WWOX: variants seen among roughly 807,000 people sequenced by gnomAD.
WWOX encodes WW domain-containing oxidoreductase.
WWOX carries 69 observed loss-of-function variants against 46.2 expected under a neutral mutation model. The ratio of observed to expected loss-of-function variants is 1.49; its 90% confidence interval spans 1.23 to 1.82. The LOEUF (loss-of-function observed/expected upper bound fraction) is 1.82. WWOX is among the 40% of genes most tolerant of loss of function. The pLI, the probability that WWOX is intolerant of heterozygous loss-of-function variation, is 0.00. For missense variants in WWOX, 919 were observed against 542.6 expected (o/e 1.69, Z -6.89); for synonymous variants, 359 against 202.6 (o/e 1.77, Z -6.56).
At chr16:78,440,079 C>G (rs1204935922) in intron 8 of WWOX, among the ~76,000 whole-genome samples, 1 of 152,150 alleles carries the variant, frequency 6.6e-6, no homozygotes, top group African/African-American at 2.4e-5. Context: ...TTTTGAGCCT[C>G]TAGAGTGGCA....
At chr16:78,948,719 C>T (rs1196403756) in intron 8 of WWOX, among the ~76,000 whole-genome samples, 2 of 152,230 alleles carry the variant, frequency 1.3e-5, no homozygotes, top group East Asian at 1.9e-4. Flanking sequence ...AGAACTTTGG[C>T]CCTCGACATC....
intron 6 of WWOX, among the ~76,000 whole-genome samples, chr16:78,423,809 G>C (rs2083009639): frequency 6.7e-6 from 1 of 149,038 alleles, no homozygotes; most frequent in South Asian, 2.1e-4. Context: ...CCACACCACT[G>C]CACTCCAGCC....
chr16:78,627,565 A>G (rs1366617252), intron 8 of WWOX, among the ~76,000 whole-genome samples: 1 of 152,228 alleles, frequency 6.6e-6, no homozygotes, highest in Non-Finnish European at 1.5e-5. Flanking sequence ...AATCTTTGTA[A>G]AATCACAGAG....
intron 8 of WWOX, among the ~76,000 whole-genome samples, chr16:78,902,158 C>G (rs558597683): frequency 5.4e-4 from 82 of 152,292 alleles, no homozygotes; most frequent in African/African-American, 1.7e-3. Flanking sequence ...CATTTTTCTT[C>G]TGGAGAATCG....
chr16:78,326,402 C>T (rs1323676290), intron 5 of WWOX, among the ~76,000 whole-genome samples: 1 of 151,992 alleles, frequency 6.6e-6, no homozygotes, highest in Non-Finnish European at 1.5e-5. Flanking sequence ...AGGAAAATGC[C>T]AGGTTGTAAT....
intron 8 of WWOX, among the ~76,000 whole-genome samples, chr16:78,549,875 G>A (rs978343155): frequency 2.6e-5 from 4 of 152,004 alleles, no homozygotes; most frequent in Admixed American, 2.6e-4. Flanking sequence ...ATCTTTAAAG[G>A]ATTTTTTATT....
chr16:78,492,991 A>G (rs1248494367), intron 8 of WWOX, among the ~76,000 whole-genome samples: 1 of 152,126 alleles, frequency 6.6e-6, no homozygotes, highest in Non-Finnish European at 1.5e-5. Context: ...TCTAGTCAGC[A>G]TGGGAGATAC....
intron 8 of WWOX, among the ~76,000 whole-genome samples, chr16:78,441,629 C>G (rs536225103): frequency 3.9e-5 from 6 of 152,122 alleles, no homozygotes; most frequent in African/African-American, 7.2e-5. Flanking sequence ...AGACAGCTCT[C>G]GGGTCCAGCC....
chr16:78,771,564 G>C (rs1567549058), intron 8 of WWOX, among the ~76,000 whole-genome samples: 1 of 152,096 alleles, frequency 6.6e-6, no homozygotes, highest in African/African-American at 2.4e-5. Flanking sequence ...TTGAGGTCAG[G>C]AGTTCGAGAC....
At chr16:78,953,531 G>C (rs1333776710) in intron 8 of WWOX, among the ~76,000 whole-genome samples, 1 of 152,142 alleles carries the variant, frequency 6.6e-6, no homozygotes, top group Non-Finnish European at 1.5e-5. Context: ...CCAGTTTACT[G>C]TTGGCTTCCT....
intron 8 of WWOX, among the ~76,000 whole-genome samples, chr16:78,780,818 C>T (rs1160947729): frequency 2.6e-5 from 4 of 152,068 alleles, no homozygotes; most frequent in Non-Finnish European, 5.9e-5. Flanking sequence ...TGGATACCAG[C>T]TAGGATTTCA....
chr16:78,398,117 T>C (rs1304667939), intron 6 of WWOX, among the ~76,000 whole-genome samples: 1 of 152,228 alleles, frequency 6.6e-6, no homozygotes, highest in Non-Finnish European at 1.5e-5. Flanking sequence ...AGGGGTCGTT[T>C]TGCTATTTAT....
intron 8 of WWOX, among the ~76,000 whole-genome samples, chr16:79,072,343 G>A (rs1232371257): frequency 2.0e-5 from 3 of 152,084 alleles, no homozygotes; most frequent in Non-Finnish European, 2.9e-5. Flanking sequence ...ACTCTGCAGA[G>A]GTCCTGGGTC....
chr16:78,834,261 C>T (rs988113916), intron 8 of WWOX, among the ~76,000 whole-genome samples: 1 of 152,146 alleles, frequency 6.6e-6, no homozygotes, highest in African/African-American at 2.4e-5. Context: ...GCCCAAAAGG[C>T]TGATCTGGGA....
chr16:78,336,367 T>C (rs111458870), intron 5 of WWOX, among the ~76,000 whole-genome samples: 10,680 of 139,494 alleles, frequency 0.077, 1,137 homozygotes, highest in African/African-American at 0.25. Flanking sequence ...ATTAGCCAGG[T>C]GTGGTGATGT....
chr16:78,748,010 G>A (rs1245641734), intron 8 of WWOX, among the ~76,000 whole-genome samples: 3 of 152,186 alleles, frequency 2.0e-5, no homozygotes, highest in Non-Finnish European at 4.4e-5. Context: ...AAGTCCATCT[G>A]CGCCGAAGAG....
chr16:78,798,580 G>C (rs2050804025), intron 8 of WWOX, among the ~76,000 whole-genome samples: 1 of 124,386 alleles, frequency 8.0e-6, no homozygotes, highest in Non-Finnish European at 1.7e-5. Context: ...CCCCAAGGTA[G>C]TTGTTGTTGG....
At chr16:78,373,894 C>G (rs890230533) in intron 5 of WWOX, among the ~76,000 whole-genome samples, 2 of 151,946 alleles carry the variant, frequency 1.3e-5, no homozygotes, top group African/African-American at 4.8e-5. Context: ...TTCAAGCAAT[C>G]CTCCCACCTC....
chr16:78,710,472 T>TCA (rs1655993175), intron 8 of WWOX, among the ~76,000 whole-genome samples: 3 of 29,510 alleles, frequency 1.0e-4, no homozygotes, highest in African/African-American at 1.8e-4. Context: ...CTAATGGATC[T>TCA]CATATATATA....
Sources: allele counts gnomAD v4.1 joint callset (sites outside exome capture counted in the v4.1 genomes callset), GRCh38; gene constraint gnomAD v4.1.1; transcripts MANE v1.5; gene names NCBI Gene and HGNC (gene_info 2026-07-23, HGNC 2026-07-21).